Variants in LRRC4C observed in about 807,000 individuals in gnomAD.
LRRC4C encodes leucine rich repeat containing 4C.
In LRRC4C, 5 loss-of-function variants were observed where a neutral mutation model predicts 33.6. That is an observed-to-expected ratio of 0.15 (90% confidence interval 0.08 to 0.31). The LOEUF is 0.31. LRRC4C is among the 10% of genes least tolerant of loss of function. The pLI, the probability that LRRC4C is intolerant of heterozygous loss-of-function variation, is 1.00. For synonymous variants in LRRC4C, 329 were observed against 302.0 expected (o/e 1.09, Z -0.93); for missense variants, 560 against 796.7 (o/e 0.70, Z 3.58).
At chr11:40,412,691 G>A (rs1418965974) in intron 3 of LRRC4C, among the ~76,000 whole-genome samples, 2 of 151,922 alleles carry the variant, frequency 1.3e-5, no homozygotes, top group African/African-American at 2.4e-5. Flanking sequence ...ACAGTTCTGC[G>A]ATTGTAGTTA....
chr11:40,964,030 T>G (rs140315755), intron 1 of LRRC4C, among the ~76,000 whole-genome samples: 18 of 151,776 alleles, frequency 1.2e-4, no homozygotes, highest in Non-Finnish European at 2.1e-4. Flanking sequence ...GCCTTGTTTT[T>G]TTTTCCCACC....
chr11:40,345,231 A>T (rs1379568520), intron 3 of LRRC4C, among the ~76,000 whole-genome samples: 1 of 152,168 alleles, frequency 6.6e-6, no homozygotes, highest in Non-Finnish European at 1.5e-5. Flanking sequence ...AAAAGATCCC[A>T]AATAGCCAAG....
At chr11:40,958,948 T>C (rs555403140) in intron 1 of LRRC4C, among the ~76,000 whole-genome samples, 1 of 151,848 alleles carries the variant, frequency 6.6e-6, no homozygotes, top group African/African-American at 2.4e-5. Context: ...AGGAATTATT[T>C]CTTTATTCTG....
intron 3 of LRRC4C, among the ~76,000 whole-genome samples, chr11:40,434,408 A>G (rs923828272): frequency 1.3e-5 from 2 of 152,214 alleles, no homozygotes; most frequent in Non-Finnish European, 2.9e-5. Flanking sequence ...AACCTTGCCA[A>G]TGAGGCAAAA....
intron 1 of LRRC4C, among the ~76,000 whole-genome samples, chr11:41,347,822 C>A (rs986585404): frequency 5.3e-5 from 8 of 152,092 alleles, no homozygotes; most frequent in African/African-American, 1.7e-4. Context: ...ATCTTGGAAT[C>A]ACATAAGATT....
intron 1 of LRRC4C, among the ~76,000 whole-genome samples, chr11:41,287,016 A>G (rs1004053798): frequency 6.6e-6 from 1 of 152,188 alleles, no homozygotes; most frequent in Non-Finnish European, 1.5e-5. Context: ...ACATACCAAG[A>G]ACATTACCAG....
chr11:41,319,897 T>A (rs1028245099), intron 1 of LRRC4C, among the ~76,000 whole-genome samples: 1 of 152,172 alleles, frequency 6.6e-6, no homozygotes, highest in Non-Finnish European at 1.5e-5. Flanking sequence ...TAAAGATATA[T>A]GTTTAAATGC....
chr11:40,909,186 A>G (rs1956558037), intron 2 of LRRC4C, among the ~76,000 whole-genome samples: 1 of 152,090 alleles, frequency 6.6e-6, no homozygotes, highest in Non-Finnish European at 1.5e-5. Flanking sequence ...GAGGAATTTT[A>G]TCTTCTCTGG....
At chr11:41,113,620 C>A (rs934170099) in intron 1 of LRRC4C, among the ~76,000 whole-genome samples, 2 of 152,030 alleles carry the variant, frequency 1.3e-5, no homozygotes, top group Non-Finnish European at 2.9e-5. Context: ...GACTGGGATA[C>A]CTTGGCTGTA....
At chr11:41,168,661 G>A (rs1944836252) in intron 1 of LRRC4C, among the ~76,000 whole-genome samples, 2 of 152,156 alleles carry the variant, frequency 1.3e-5, no homozygotes, top group African/African-American at 4.8e-5. Flanking sequence ...AGATAAAGAT[G>A]CTCAATTATA....
intron 1 of LRRC4C, among the ~76,000 whole-genome samples, chr11:41,331,600 C>T (rs1951295801): frequency 6.6e-6 from 1 of 152,170 alleles, no homozygotes; most frequent in African/African-American, 2.4e-5. Flanking sequence ...ATTTTATATC[C>T]AACTCAAGGC....
At chr11:40,650,672 A>G (rs988526243) in intron 2 of LRRC4C, among the ~76,000 whole-genome samples, 10 of 152,210 alleles carry the variant, frequency 6.6e-5, no homozygotes, top group African/African-American at 2.4e-4. Flanking sequence ...CTGAAATTGC[A>G]CATCTATTTA....
chr11:40,979,750 A>T (rs571833865), intron 1 of LRRC4C, among the ~76,000 whole-genome samples: 1 of 152,340 alleles, frequency 6.6e-6, no homozygotes, highest in East Asian at 1.9e-4. Context: ...CTGCCATTTT[A>T]TGTGTTTCAC....
chr11:40,355,114 A>G (rs1045259885), intron 3 of LRRC4C, among the ~76,000 whole-genome samples: 1 of 152,182 alleles, frequency 6.6e-6, no homozygotes, highest in Admixed American at 6.5e-5. Context: ...AGAAATGTCC[A>G]GGAGCGAGGG....
chr11:40,756,893 T>G (rs957511291), intron 2 of LRRC4C, among the ~76,000 whole-genome samples: 1 of 150,978 alleles, frequency 6.6e-6, no homozygotes, highest in African/African-American at 2.4e-5. Context: ...TCTGTCAGAC[T>G]TTTTTTTTTC....
chr11:40,682,328 T>G (rs998988778), intron 2 of LRRC4C, among the ~76,000 whole-genome samples: 5 of 151,170 alleles, frequency 3.3e-5, no homozygotes, highest in African/African-American at 1.2e-4. Flanking sequence ...AAATAAAGTA[T>G]TCAATAGTTA....
intron 1 of LRRC4C, among the ~76,000 whole-genome samples, chr11:41,187,785 G>A (rs539696961): frequency 1.4e-4 from 22 of 152,284 alleles, no homozygotes; most frequent in African/African-American, 4.1e-4. Context: ...AGACGCTGCC[G>A]TGGGGCCGGA....
Position 41,410,068 on chromosome 11 carries a change from G to A in LRRC4C, c.-496+49363C>T, listed in dbSNP as rs140016982. Among the ~76,000 whole-genome samples the A allele has an allele frequency of 4.2e-3, 637 of 152,112 alleles. 13 individuals carry two copies. Among genetic ancestry groups the A allele is most frequent in the East Asian group, 0.026 (133 of 5,156 alleles). On this transcript the variant is annotated intron_variant, in intron 1 of 6. Coordinates refer to ENST00000528697, the MANE Select transcript of LRRC4C (RefSeq NM_001258419.2). ...TGAAAACTGAAATCCTTTCACAAGG[G>A]GCCTATGTAGGCCCCAGGCCTCATC...
At chr11:40,863,267 C>T (rs1468275796) in intron 2 of LRRC4C, among the ~76,000 whole-genome samples, 1 of 152,194 alleles carries the variant, frequency 6.6e-6, no homozygotes, top group Non-Finnish European at 1.5e-5. Context: ...GATGTTTCCA[C>T]ACACTCAGAA....
Sources: gnomAD v4.1 joint callset for allele counts (sites outside exome capture counted in the v4.1 genomes callset) on GRCh38, gnomAD v4.1.1 for gene constraint, MANE v1.5 for transcripts, NCBI Gene and HGNC (gene_info 2026-07-23, HGNC 2026-07-21) for gene names.